Variants in CPE observed in about 807,000 individuals in gnomAD.
The protein encoded by CPE is carboxypeptidase E.
In CPE, 17 loss-of-function variants were observed where a neutral mutation model predicts 53.5. The ratio of observed to expected loss-of-function variants is 0.32; its 90% CI spans 0.22 to 0.48. The LOEUF is 0.48. Among genes scored for constraint, CPE ranks in the 20% least tolerant of loss-of-function variants. CPE has a pLI of 0.99. For missense variants in CPE, 524 were observed against 614.7 expected, an observed-to-expected ratio of 0.85 and a Z score of 1.56; for synonymous variants, 226 against 228.8, an observed-to-expected ratio of 0.99 and a Z score of 0.11.
intron 1 of CPE, among the ~76,000 whole-genome samples, chr4:165,432,886 A>G (rs531464130): frequency 1.6e-4 from 25 of 152,184 alleles, no homozygotes; most frequent in Non-Finnish European, 2.5e-4. Flanking sequence ...AGCACTGTCA[A>G]TTCCACGTCT....
intron 1 of CPE, among the ~76,000 whole-genome samples, chr4:165,397,141 G>A (rs570997370): frequency 1.2e-4 from 18 of 152,160 alleles, no homozygotes; most frequent in African/African-American, 4.1e-4. Context: ...GAGAAAGTTA[G>A]AAAATAAAGT....
intron 5 of CPE, among the ~76,000 whole-genome samples, chr4:165,484,952 C>T (rs1024863932): frequency 6.6e-6 from 1 of 152,184 alleles, no homozygotes; most frequent in African/African-American, 2.4e-5. Context: ...CAGTCATGCT[C>T]TTTCACTGTA....
intron 1 of CPE, among the ~76,000 whole-genome samples, chr4:165,461,188 G>GAAAGAAAGAA (rs34340568): frequency 9.0e-4 from 73 of 81,176 alleles, no homozygotes; most frequent in African/African-American, 3.4e-3. Context: ...AAAAAAAAAA[G>GAAAGAAAGAA]AAAGAAAGAA....
At chr4:165,448,254 C>T (rs1179397805) in intron 1 of CPE, among the ~76,000 whole-genome samples, 1 of 152,138 alleles carries the variant, frequency 6.6e-6, no homozygotes, top group Non-Finnish European at 1.5e-5. Context: ...CAGGAGAATG[C>T]ATTACTTTTC....
chr4:165,421,066 C>T (rs1731203210), intron 1 of CPE, among the ~76,000 whole-genome samples: 1 of 152,022 alleles, frequency 6.6e-6, no homozygotes, highest in African/African-American at 2.4e-5. Context: ...TTGTTAATGT[C>T]GTGAGAAATA....
chr4:165,380,895 T>C (rs1173536426), intron 1 of CPE, among the ~76,000 whole-genome samples: 1 of 152,240 alleles, frequency 6.6e-6, no homozygotes, highest in African/African-American at 2.4e-5. Flanking sequence ...TTGGACATTT[T>C]GAAACTTAGT....
intron 1 of CPE, among the ~76,000 whole-genome samples, chr4:165,442,759 TTA>T (rs1731637550): frequency 6.6e-6 from 1 of 152,142 alleles, no homozygotes; most frequent in Non-Finnish European, 1.5e-5. Context: ...CAGGCAGACC[TTA>T]TATAAAACAA....
rs77533213 is a variant in CPE, at chr4:165,385,640, A to G, written c.307+6112A>G. Among the ~76,000 whole-genome samples, 33 of 152,122 alleles carry G rather than the reference A, an allele frequency of 2.2e-4. No homozygotes were observed. The East Asian group carries it at 6.2e-3, about 29-fold the overall frequency. The stretch of plus-strand genomic sequence containing the variant: ...TTTTATCAATTTTAAAATGTGGGAC[A>G]TTCTTGCTTTTCTTCAGTTTGACAT... On this transcript the variant is annotated intron_variant, in intron 1 of 8. Coordinates refer to ENST00000402744, the MANE Select transcript of CPE (RefSeq NM_001873.4).
At chr4:165,434,029 CT>C (rs1560880950) in intron 1 of CPE, among the ~76,000 whole-genome samples, 3 of 152,178 alleles carry the variant, frequency 2.0e-5, no homozygotes, top group Non-Finnish European at 2.9e-5. Flanking sequence ...CCTGCTCAAC[CT>C]TCTGTCTTTA....
intron 1 of CPE, chr4:165,404,308 A>G (rs1730919245): frequency 2.6e-5 from 20 of 771,598 alleles, no homozygotes; most frequent in South Asian, 2.6e-4. Context: ...TGACTGCCTC[A>G]TTCACAAATC....
At chr4:165,469,267 A>G (rs1396065090) in intron 3 of CPE, among the ~76,000 whole-genome samples, 8 of 152,116 alleles carry the variant, frequency 5.3e-5, no homozygotes. Flanking sequence ...GCAGCCCTCT[A>G]TTCCTTCTCT....
chr4:165,432,377 C>T (rs1219607180), intron 1 of CPE, among the ~76,000 whole-genome samples: 4 of 152,236 alleles, frequency 2.6e-5, no homozygotes, highest in African/African-American at 7.2e-5. Context: ...CTCACCGTAG[C>T]CTCCACCTCC....
At chr4:165,454,675 TA>T in intron 1 of CPE, among the ~76,000 whole-genome samples, 1 of 152,348 alleles carries the variant, frequency 6.6e-6, no homozygotes, top group African/African-American at 2.4e-5. Flanking sequence ...TTCATGGGCA[TA>T]AAGAGCAATG....
intron 1 of CPE, among the ~76,000 whole-genome samples, chr4:165,398,481 G>T (rs1450971547): frequency 6.6e-6 from 1 of 152,090 alleles, no homozygotes; most frequent in Admixed American, 6.5e-5. Context: ...TTTAAATGGA[G>T]TATGTTTATC....
At chr4:165,422,697 G>A (rs1731245728) in intron 1 of CPE, among the ~76,000 whole-genome samples, 1 of 152,130 alleles carries the variant, frequency 6.6e-6, no homozygotes, top group South Asian at 2.1e-4. Context: ...GTACACTGGG[G>A]CCAGGTGCGG....
chr4:165,485,389 G>C (rs1370441490), intron 5 of CPE, among the ~76,000 whole-genome samples: 1 of 152,032 alleles, frequency 6.6e-6, no homozygotes, highest in East Asian at 1.9e-4. Context: ...CTAATTGAAG[G>C]GTATTGGTAT....
chr4:165,425,293 G>T (rs994950876), intron 1 of CPE, among the ~76,000 whole-genome samples: 1 of 144,090 alleles, frequency 6.9e-6, no homozygotes, highest in South Asian at 2.2e-4. Context: ...TTTGTATCTA[G>T]AAGTTTTTAC....
In CPE at chr4:165,497,660, T is replaced by C; in HGVS notation, c.*50T>C. 1 of 998,518 alleles carries C rather than the reference T, an allele frequency of 1.0e-6. No individual in the cohort carries two copies. Among genetic ancestry groups the C allele is most frequent in the Non-Finnish European group, 1.4e-6 (1 of 720,392 alleles). 61.9% of individuals were successfully genotyped at this position (998,518 alleles called of 1,614,324 possible). ...AATCTATCTATATAATGTAGTATGA[T>C]GTAATGTGGTCTTTTTTTTAGATTT... On this transcript the variant is annotated 3_prime_UTR_variant, in exon 9 of 9. Coordinates refer to ENST00000402744, the MANE Select transcript of CPE (RefSeq NM_001873.4).
At chr4:165,400,243 A>C (rs1730844097) in intron 1 of CPE, among the ~76,000 whole-genome samples, 1 of 152,190 alleles carries the variant, frequency 6.6e-6, no homozygotes, top group Non-Finnish European at 1.5e-5. Flanking sequence ...GAATTTGAGG[A>C]CAGAGGAAAA....
Sources: gnomAD v4.1 joint callset for allele counts (sites outside exome capture counted in the v4.1 genomes callset) on GRCh38, gnomAD v4.1.1 for gene constraint, MANE v1.5 for transcripts, NCBI Gene and HGNC (gene_info 2026-07-23, HGNC 2026-07-21) for gene names.